The following LARP1 variants were observed in gnomAD, a reference collection of about 807,000 sequenced individuals.
The protein encoded by LARP1 is La ribonucleoprotein 1, translational regulator.
Under a neutral mutation model 122.7 loss-of-function variants are expected in LARP1, and 36 were observed. That is an observed-to-expected ratio of 0.29 (90% CI 0.22 to 0.39). The LOEUF (loss-of-function observed/expected upper bound fraction) is 0.39, where lower values mean the gene tolerates loss of function less well. Among genes scored for constraint, LARP1 ranks in the 10% least tolerant of loss-of-function variants. The pLI is 1.00. For synonymous variants in LARP1, 539 were observed against 528.7 expected (o/e 1.02, Z -0.27); for missense variants, 1,040 against 1,403.6 (o/e 0.74, Z 4.14).
intron 1 of LARP1, among the ~76,000 whole-genome samples, chr5:154,774,262 TA>T (rs1282934515): frequency 6.6e-6 from 1 of 152,052 alleles, no homozygotes; most frequent in African/African-American, 2.4e-5. Context: ...GGATGGAGTT[TA>T]AATACTGGAT....
At position 154,814,418 on chromosome 5, in the gene LARP1, G is replaced by A. The variant is rs1759530665; in HGVS notation, c.*322G>A. 6.5e-6 allele frequency: 1 copy of A among 153,424 alleles called. No homozygotes were observed. Among genetic ancestry groups the A allele is most frequent in the South Asian group, 2.1e-4 (1 of 4,834 alleles). 9.5% of individuals were successfully genotyped at this position (153,424 alleles called of 1,614,324 possible). On this transcript the variant is annotated 3_prime_UTR_variant, in exon 19 of 19. Coordinates refer to ENST00000518297, the MANE Select transcript of LARP1 (RefSeq NM_033551.3). ...TTTTAAATTATTGATAGTTCATCTG[G>A]ATTACCAAAATCACTCTGCAGCCCT...
At chr5:154,779,949 T>C (rs1385715132) in intron 1 of LARP1, among the ~76,000 whole-genome samples, 4 of 152,134 alleles carry the variant, frequency 2.6e-5, no homozygotes, top group Admixed American at 1.3e-4. Flanking sequence ...CTTAACTCTT[T>C]CCCAGTTGGG....
upstream of LARP1, among the ~76,000 whole-genome samples, chr5:154,751,541 A>G (rs1001355454): frequency 2.6e-5 from 4 of 152,154 alleles, no homozygotes; most frequent in African/African-American, 9.7e-5. Context: ...ACTCCTGACT[A>G]TTTGGTCATT....
At chr5:154,762,261 C>A (rs566871966) in intron 1 of LARP1, among the ~76,000 whole-genome samples, 55 of 151,900 alleles carry the variant, frequency 3.6e-4, no homozygotes, top group African/African-American at 7.2e-4. Flanking sequence ...AACAAAAAAA[C>A]CAAAAAAACC....
At chr5:154,697,652 G>T (rs1754526698) in intron 1 of LARP1, among the ~76,000 whole-genome samples, 1 of 152,158 alleles carries the variant, frequency 6.6e-6, no homozygotes, top group African/African-American at 2.4e-5. Flanking sequence ...TGTGAAAGAA[G>T]CCAGTCTCAA....
chr5:154,765,430 A>C (rs910778656), intron 1 of LARP1, among the ~76,000 whole-genome samples: 2 of 152,138 alleles, frequency 1.3e-5, no homozygotes, highest in African/African-American at 4.8e-5. Flanking sequence ...TGAGTCTGTC[A>C]TCCAGCCTGC....
At chr5:154,807,699 C>T (rs1758895098) in intron 15 of LARP1, among the ~76,000 whole-genome samples, 1 of 152,102 alleles carries the variant, frequency 6.6e-6, no homozygotes, top group Non-Finnish European at 1.5e-5. Context: ...TACAGGCATG[C>T]TCCACCATAC....
chr5:154,755,594 C>T lies in LARP1; in HGVS notation c.-164C>T, dbSNP rs915980368. On this transcript the variant is annotated 5_prime_UTR_variant, in exon 1 of 19. Transcript: ENST00000518297. ...GGCCTCGGATTTACGGCGGCTGCAT[C>T]TAACTGGGAGGGGGCCGCACCTCGC... 4.1e-6 allele frequency: 4 copies of T among 987,460 alleles called. No individual in the cohort carries two copies. The highest frequency in any genetic ancestry group is 3.5e-5 in the African/African-American group (2 of 57,246). The allele number at this position is 987,460 out of a possible 1,614,324, so 61.2% of individuals were successfully genotyped here.
chr5:154,780,542 G>A (rs1756339962), intron 1 of LARP1, among the ~76,000 whole-genome samples: 1 of 152,194 alleles, frequency 6.6e-6, no homozygotes, highest in South Asian at 2.1e-4. Context: ...TGGGAGACAA[G>A]AACTTGATGT....
chr5:154,777,292 C>T (rs1040066257), intron 1 of LARP1, among the ~76,000 whole-genome samples: 1 of 151,876 alleles, frequency 6.6e-6, no homozygotes, highest in Admixed American at 6.6e-5. Context: ...GGGTAGATCG[C>T]CTGAGGTCAG....
intron 16 of LARP1, among the ~76,000 whole-genome samples, chr5:154,808,825 C>A (rs1759007825): frequency 6.6e-6 from 1 of 152,180 alleles, no homozygotes; most frequent in African/African-American, 2.4e-5. Flanking sequence ...CCCTGTCCCC[C>A]ACCCATCTGG....
chr5:154,693,866 AAAAAAAG>A (rs1754345323), intron 1 of LARP1, among the ~76,000 whole-genome samples: 2 of 150,760 alleles, frequency 1.3e-5, no homozygotes, highest in African/African-American at 4.9e-5. Flanking sequence ...AAAAAAAAAA[AAAAAAAG>A]AAAGAAAGTT....
chr5:154,772,542 T>C lies in LARP1; in HGVS notation c.436+16349T>C, dbSNP rs184567301. ...CAGCTAGTACTAAACCCTCTATATGTTTTTTCCTATACATATGTAACTGTG... is the reference window on the plus strand; with the variant it reads ...CAGCTAGTACTAAACCCTCTATATGCTTTTTCCTATACATATGTAACTGTG... On this transcript the variant is annotated intron_variant, in intron 1 of 18. Transcript: ENST00000518297. Among the ~76,000 whole-genome samples the C allele has an allele frequency of 1.6e-4, 25 of 152,300 alleles. No homozygotes were observed. In the East Asian group the frequency reaches 4.2e-3, roughly 26 times the overall value.
chr5:154,708,134 A>G (rs1033935365), upstream of LARP1, among the ~76,000 whole-genome samples: 2 of 152,166 alleles, frequency 1.3e-5, no homozygotes, highest in African/African-American at 4.8e-5. Context: ...GAAAGCTGAG[A>G]TAGGTGATCA....
At chr5:154,792,117 C>A in intron 3 of LARP1, 1 of 371,326 alleles carries the variant, frequency 2.7e-6, no homozygotes, top group Non-Finnish European at 5.6e-6. Context: ...CTCCAGACCA[C>A]ATGTCTTGGG....
At chr5:154,709,597 G>GA (rs1190344665), upstream of LARP1, among the ~76,000 whole-genome samples, 12 of 116,842 alleles carry the variant, frequency 1.0e-4, no homozygotes, top group African/African-American at 3.9e-4. Context: ...TCTCCAGTGA[G>GA]ATTTTTTTTT....
upstream of LARP1, among the ~76,000 whole-genome samples, chr5:154,755,166 GA>G (rs1172879061): frequency 6.6e-6 from 1 of 150,718 alleles, no homozygotes; most frequent in Non-Finnish European, 1.5e-5. Context: ...TGAGGAATCG[GA>G]GACGAGGGGC....
chr5:154,737,321 G>T (rs1011099009), intron 1 of LARP1, among the ~76,000 whole-genome samples: 1 of 151,970 alleles, frequency 6.6e-6, no homozygotes, highest in Non-Finnish European at 1.5e-5. Context: ...GATTACAGGT[G>T]TGAGCCACCG....
At position 154,817,087 on chromosome 5, in the gene LARP1, G is replaced by A. The variant is rs1759724291; in HGVS notation, c.*2991G>A. 6.6e-6 allele frequency: 1 copy of A among 151,768 alleles called. No homozygotes were observed. The highest frequency in any genetic ancestry group is 2.1e-4 in the South Asian group (1 of 4,814). The allele number at this position is 151,768 out of a possible 1,614,324, so 9.4% of individuals were successfully genotyped here. Reference sequence around the variant, plus strand: ...GAAAGTAAGCTGCTTAGAAGGCCCTGGAAGGGAAGTGAGGAGGAGGGACAA... The same window carrying A: ...GAAAGTAAGCTGCTTAGAAGGCCCTAGAAGGGAAGTGAGGAGGAGGGACAA... On this transcript the variant is annotated 3_prime_UTR_variant, in exon 19 of 19. Coordinates refer to ENST00000518297, the MANE Select transcript of LARP1 (RefSeq NM_033551.3).
Sources: gnomAD v4.1 joint callset for allele counts (sites outside exome capture counted in the v4.1 genomes callset) on GRCh38, gnomAD v4.1.1 for gene constraint, MANE v1.5 for transcripts, NCBI Gene and HGNC (gene_info 2026-07-23, HGNC 2026-07-21) for gene names.